Variants in PARPBP observed in about 807,000 individuals in gnomAD.
The protein encoded by PARPBP is PCNA-interacting partner.
PARPBP carries 52 observed loss-of-function variants against 50.0 expected under a neutral mutation model. That is an observed-to-expected ratio of 1.04 (90% confidence interval 0.83 to 1.31). The LOEUF is 1.31. PARPBP is among the 50% of genes most tolerant of loss of function. PARPBP has a pLI of 0.00. For missense variants in PARPBP, 697 were observed against 672.0 expected, an observed-to-expected ratio of 1.04 and a Z score of -0.41; for synonymous variants, 244 against 232.1, an observed-to-expected ratio of 1.05 and a Z score of -0.47.
At chr12:102,126,544 T>C (rs1251885853) in intron 2 of PARPBP, among the ~76,000 whole-genome samples, 1 of 152,218 alleles carries the variant, frequency 6.6e-6, no homozygotes, top group Non-Finnish European at 1.5e-5. Flanking sequence ...CCCATCACTT[T>C]GGGAGACTGA....
chr12:102,123,917 C>T lies in PARPBP; in HGVS notation c.29C>T (p.Ser10Leu), dbSNP rs1045537637. 45 of 1,534,858 alleles carry T rather than the reference C, an allele frequency of 2.9e-5. No homozygotes were observed. Among genetic ancestry groups the T allele is most frequent in the Admixed American group, 3.9e-5 (2 of 50,964 alleles). MAVFNQKSV[S>L]DMIKEFRKNW... The stretch of plus-strand genomic sequence containing the variant: ...GCTGTGTTTAATCAGAAGTCTGTCT[C>T]GGATATGATTAAAGAGTTTCGAAAA... The change falls in exon 2 of 11, where the codon TCG becomes TTG. Residue 10 changes from serine to leucine, a missense_variant. Ser to Leu is a moderately radical substitution (Grantham distance 145). Transcript: ENST00000327680.
chr12:102,195,392 T>A lies in PARPBP; in HGVS notation c.1344T>A (p.Asn448Lys). Residue 448 changes from asparagine to lysine, a missense_variant, in exon 10 of 11, where the codon AAT becomes AAA. Physicochemically the swap from Asn to Lys is moderately conservative, Grantham distance 94 (BLOSUM62 0). Transcript: ENST00000327680. ...DYMISKDNWN[N>K]VNLASKPLCV... ...TGATAAGCAAGGATAATTGGAATAATGTTAATTTAGCATCAAAGCCTTTGT... is the reference window on the plus strand; with the variant it reads ...TGATAAGCAAGGATAATTGGAATAAAGTTAATTTAGCATCAAAGCCTTTGT... 6.3e-7 allele frequency: 1 copy of A among 1,592,544 alleles called. No homozygotes were observed. The highest frequency in any genetic ancestry group is 2.3e-5 in the East Asian group (1 of 44,066).
chr12:102,173,278 T>C (rs931466530), intron 6 of PARPBP, among the ~76,000 whole-genome samples: 1 of 152,118 alleles, frequency 6.6e-6, no homozygotes, highest in Non-Finnish European at 1.5e-5. Context: ...GACAAAAGGG[T>C]TTCTCTAAAA....
intron 2 of PARPBP, among the ~76,000 whole-genome samples, chr12:102,141,583 A>AAAATT (rs1335261946): frequency 3.9e-5 from 6 of 152,102 alleles, no homozygotes; most frequent in African/African-American, 1.4e-4. Context: ...CCTAGCCTTG[A>AAAATT]TGGTCTTTAA....
At position 102,175,496 on chromosome 12, in the gene PARPBP, C is replaced by A; in HGVS notation, c.835C>A (p.Gln279Lys). The A allele has an allele frequency of 1.9e-6, 3 of 1,612,378 alleles. No individual in the cohort carries two copies. The highest frequency in any genetic ancestry group is 1.1e-5 in the South Asian group (1 of 90,926). Residue 279 changes from glutamine (Q) to lysine (K), a missense_variant, in exon 7 of 11, where the codon CAA becomes AAA. Transcript: ENST00000327680. ...TTCTATTTTCAGCATTGCAGGGGGT[C>A]AAATACTGTCAGTGATAAAGATGCA... is the stretch of plus-strand genomic sequence containing the variant. ...EIPNPSIAGG[Q>K]ILSVIKMQLI...
At chr12:102,183,435 C>T (rs1246216697) in intron 9 of PARPBP, among the ~76,000 whole-genome samples, 1 of 151,942 alleles carries the variant, frequency 6.6e-6, no homozygotes, top group Non-Finnish European at 1.5e-5. Context: ...TTAGTTAATA[C>T]CTGTTTCATC....
chr12:102,141,586 G>A (rs1884608287), intron 2 of PARPBP, among the ~76,000 whole-genome samples: 1 of 152,096 alleles, frequency 6.6e-6, no homozygotes, highest in Non-Finnish European at 1.5e-5. Context: ...AGCCTTGATG[G>A]TCTTTAAAAT....
At chr12:102,188,194 TTAC>T (rs1890476296) in intron 9 of PARPBP, among the ~76,000 whole-genome samples, 1 of 152,048 alleles carries the variant, frequency 6.6e-6, no homozygotes, top group Non-Finnish European at 1.5e-5. Context: ...GTAGGGAGCC[TTAC>T]TACAATAGAC....
chr12:102,144,003 TA>T (rs1885021825), intron 2 of PARPBP, among the ~76,000 whole-genome samples: 1 of 152,168 alleles, frequency 6.6e-6, no homozygotes, highest in Non-Finnish European at 1.5e-5. Context: ...GATTTTACTT[TA>T]AATAGGAGAA....
At chr12:102,124,112 T>G (rs1409904923) in intron 2 of PARPBP, 71 bp downstream of exon 2, 1 of 1,018,862 alleles carries the variant, frequency 9.8e-7, no homozygotes, top group Non-Finnish European at 1.5e-6. Context: ...TTGAATAAAC[T>G]TAAGCTTAAG....
intron 7 of PARPBP, 144 bp downstream of exon 7, chr12:102,175,810 A>C: frequency 7.0e-6 from 4 of 572,588 alleles, no homozygotes; most frequent in Non-Finnish European, 8.6e-6. Context: ...TAAGTTTCTC[A>C]ATAGGATTAT....
intron 2 of PARPBP, among the ~76,000 whole-genome samples, chr12:102,130,996 A>C (rs1460743286): frequency 6.6e-6 from 1 of 152,254 alleles, no homozygotes; most frequent in Non-Finnish European, 1.5e-5. Flanking sequence ...TCAAAACCAC[A>C]ATAAGATATC....
At chr12:102,132,978 C>T (rs1883093061) in intron 2 of PARPBP, among the ~76,000 whole-genome samples, 3 of 151,916 alleles carry the variant, frequency 2.0e-5, no homozygotes. Context: ...TGAAATGATA[C>T]TGATTTTTGT....
chr12:102,140,360 T>G (rs1416833180), intron 2 of PARPBP, among the ~76,000 whole-genome samples: 1 of 152,210 alleles, frequency 6.6e-6, no homozygotes, highest in Non-Finnish European at 1.5e-5. Context: ...TGTGGCTATT[T>G]GATTCTTCTC....
At position 102,160,526 on chromosome 12, in the gene PARPBP, G is replaced by C. The variant is rs144965433; in HGVS notation, c.496-3912G>C. 1.8e-4 allele frequency among the ~76,000 whole-genome samples: 28 copies of C among 152,336 alleles called. No individual in the cohort carries two copies. In the East Asian group the frequency reaches 5.2e-3, roughly 28 times the overall value. Reference sequence around the variant, plus strand: ...GTAAATTGTGTTATTCTTCTCAGATGTCAAAGGAATACAAAGAATTGTGTC... The same window carrying C: ...GTAAATTGTGTTATTCTTCTCAGATCTCAAAGGAATACAAAGAATTGTGTC... On this transcript the variant is annotated intron_variant, in intron 4 of 10. Coordinates refer to ENST00000327680, the MANE Select transcript of PARPBP (RefSeq NM_017915.5).
At chr12:102,182,527 G>A (rs1329921890) in intron 8 of PARPBP, 22 bp from the exon 9 acceptor site, 2 of 1,292,962 alleles carry the variant, frequency 1.5e-6, no homozygotes, top group Admixed American at 1.9e-5. Flanking sequence ...ATAAATTTTT[G>A]CCTTTTTTTT....
intron 4 of PARPBP, among the ~76,000 whole-genome samples, chr12:102,158,545 G>A (rs1887213647): frequency 1.3e-5 from 2 of 152,184 alleles, no homozygotes; most frequent in South Asian, 4.1e-4. Flanking sequence ...CACCTTGAAT[G>A]TTTCCTGCCC....
chr12:102,183,213 C>T (rs192042379), intron 9 of PARPBP, among the ~76,000 whole-genome samples: 108 of 152,202 alleles, frequency 7.1e-4, no homozygotes, highest in African/African-American at 2.5e-3. Context: ...TTGGCTTTAA[C>T]TCATTTATCA....
chr12:102,153,995 T>G lies in PARPBP; in HGVS notation c.495+19T>G. 3.8e-6 allele frequency: 5 copies of G among 1,332,922 alleles called. No individual in the cohort carries two copies. Among genetic ancestry groups the G allele is most frequent in the Non-Finnish European group, 5.4e-6 (5 of 924,840 alleles). The allele number at this position is 1,332,922 out of a possible 1,614,324, so 82.6% of individuals were successfully genotyped here. On this transcript the variant is annotated intron_variant, in intron 4 of 10. Coordinates refer to ENST00000327680, the MANE Select transcript of PARPBP (RefSeq NM_017915.5). Reference sequence around the variant, plus strand: ...TGAAAAGGTACTGATAAACTGTGAGTAAATTAAAGCAGACTATAATCCCTT... The same window carrying G: ...TGAAAAGGTACTGATAAACTGTGAGGAAATTAAAGCAGACTATAATCCCTT...
Sources: allele counts gnomAD v4.1 joint callset (sites outside exome capture counted in the v4.1 genomes callset), GRCh38; gene constraint gnomAD v4.1.1; transcripts MANE v1.5; gene names NCBI Gene and HGNC (gene_info 2026-07-23, HGNC 2026-07-21).